Variants in RADIL observed in about 807,000 individuals in gnomAD.
RADIL encodes the protein Rap associating with DIL domain, also known as ras-associating and dilute domain-containing protein.
In RADIL, 99 loss-of-function variants were observed where a neutral mutation model predicts 97.6. The observed-to-expected ratio is 1.01, with a 90% confidence interval of 0.86 to 1.20. RADIL has a LOEUF of 1.20. Ranked by LOEUF, RADIL falls within the 50% of genes most tolerant of loss-of-function variation. The pLI, the probability that RADIL is intolerant of heterozygous loss-of-function variation, is 0.00. For synonymous variants in RADIL, 803 were observed against 691.8 expected, an observed-to-expected ratio of 1.16 and a Z score of -2.52; for missense variants, 1,765 against 1,498.9, an observed-to-expected ratio of 1.18 and a Z score of -2.93.
intron 2 of RADIL, among the ~76,000 whole-genome samples, chr7:4,869,221 C>G (rs1167916371): frequency 6.6e-6 from 1 of 152,194 alleles, no homozygotes; most frequent in Non-Finnish European, 1.5e-5. Context: ...CAGCCTTGAC[C>G]TTCTGGGCTC....
intron 9 of RADIL, among the ~76,000 whole-genome samples, chr7:4,807,273 C>T (rs1346237359): frequency 2.0e-5 from 3 of 152,028 alleles, no homozygotes; most frequent in East Asian, 1.9e-4. Flanking sequence ...CACAGAACGA[C>T]GTCCTCCAAC....
At chr7:4,829,266 G>A (rs1241442640) in intron 5 of RADIL, among the ~76,000 whole-genome samples, 8 of 152,208 alleles carry the variant, frequency 5.3e-5, no homozygotes, top group Non-Finnish European at 1.0e-4. Flanking sequence ...CAGGCTGGGA[G>A]GCAGAGCCTG....
chr7:4,810,657 G>C (rs541262356), intron 9 of RADIL, among the ~76,000 whole-genome samples: 2 of 152,250 alleles, frequency 1.3e-5, no homozygotes, highest in African/African-American at 4.8e-5. Flanking sequence ...ATCTCCGTCG[G>C]GGAAATTGCT....
At chr7:4,861,866 G>T in intron 2 of RADIL, 1 of 540,724 alleles carries the variant, frequency 1.8e-6, no homozygotes. Context: ...CTTCGCGGCC[G>T]CCGCCCGGGT....
At chr7:4,862,810 T>C (rs998119779) in intron 2 of RADIL, among the ~76,000 whole-genome samples, 3 of 151,788 alleles carry the variant, frequency 2.0e-5, no homozygotes, top group Non-Finnish European at 4.4e-5. Context: ...GGCAGGAGAA[T>C]TGCTTGAACC....
At position 4,836,361 on chromosome 7, in the gene RADIL, C is replaced by T. The variant is rs1456668561; in HGVS notation, c.780G>A (p.Gln260=). The T allele has an allele frequency of 4.0e-5, 63 of 1,571,520 alleles. No individual in the cohort carries two copies. The highest frequency in any genetic ancestry group is 5.1e-5 in the Non-Finnish European group (59 of 1,158,270). ...GGTGTCAGGAGGGGAGGCTCACGTG[C>T]TGCTGGCTGTAGCCCTGCAGAAGGA... The part of the protein sequence containing the change: ...HLLLLQGYSQ[Q]HDSLVYVLNR... Residue 260 remains glutamine, a synonymous_variant, in exon 3 of 15, where the codon CAG becomes CAA. Transcript: ENST00000399583.
rs533772725 is a variant in RADIL, at chr7:4,883,161, C to CCTGCGCCCCGCTCCCCCG, written c.-65+417_-65+434dup. Among the ~76,000 whole-genome samples, 3,414 of 151,578 alleles carry CCTGCGCCCCGCTCCCCCG rather than the reference C, an allele frequency of 0.023. 154 individuals are homozygous for CCTGCGCCCCGCTCCCCCG. Among genetic ancestry groups the CCTGCGCCCCGCTCCCCCG allele is most frequent in the African/African-American group, 0.078 (3,205 of 40,896 alleles). On this transcript the variant is annotated intron_variant, in intron 1 of 14. Coordinates refer to ENST00000399583, the MANE Select transcript of RADIL (RefSeq NM_018059.5). This position sits in a 1 kb window ranked among gnomAD's most constrained non-coding sequence, Gnocchi z 7.1. The stretch of plus-strand genomic sequence containing the variant: ...GCCCAGGTGGGAGAGCGCGCGGAAC[C>CCTGCGCCCCGCTCCCCCG]CTGCGCCCCGCTCCCCCGCTGCGCC...
chr7:4,855,527 A>C (rs185335321), intron 2 of RADIL, among the ~76,000 whole-genome samples: 1 of 151,188 alleles, frequency 6.6e-6, no homozygotes, highest in East Asian at 2.0e-4. Flanking sequence ...GGGCCAAAAC[A>C]ATTTGCACCA....
In RADIL at chr7:4,834,827, A is replaced by C; in HGVS notation, c.1196T>G (p.Leu399Arg). Residue 399 changes from leucine (L) to arginine (R), a missense_variant, in exon 4 of 15, where the codon CTG (leucine) becomes CGG (arginine). Leu to Arg is a moderately radical substitution (Grantham distance 102, BLOSUM62 -2). Coordinates refer to ENST00000399583, the MANE Select transcript of RADIL (RefSeq NM_018059.5). The surrounding 1 kb of genome is among the most constrained non-coding windows in gnomAD (Gnocchi z 6.0). Reference sequence around the variant, plus strand: ...CAGGAGCAGCTGCTGGCGCCGGGGCAGGGCGGCCTGAGTAGGGGAGGCGGC... The same window carrying C: ...CAGGAGCAGCTGCTGGCGCCGGGGCCGGGCGGCCTGAGTAGGGGAGGCGGC... ...RGAASPTQAA[L>R]PRRQQLLLEF... 7.6e-7 allele frequency: 1 copy of C among 1,316,082 alleles called. No individual in the cohort carries two copies. The highest frequency in any genetic ancestry group is 9.7e-7 in the Non-Finnish European group (1 of 1,029,840). 81.5% of individuals were successfully genotyped at this position (1,316,082 alleles called of 1,614,324 possible).
chr7:4,804,506 GC>G (rs1402758629), intron 10 of RADIL, among the ~76,000 whole-genome samples: 1 of 152,254 alleles, frequency 6.6e-6, no homozygotes, highest in Non-Finnish European at 1.5e-5. Context: ...TGCACCCCTG[GC>G]CGGGGGTGGC....
rs368133577 is a variant in RADIL at position 4,816,415 on chromosome 7, C to T, written c.1779G>A (p.Thr593=). 16 of 1,609,056 alleles carry T rather than the reference C, an allele frequency of 9.9e-6. No individual in the cohort carries two copies. The highest frequency in any genetic ancestry group is 3.3e-5 in the South Asian group (3 of 90,334). Residue 593 remains threonine, a synonymous_variant, in exon 8 of 15, where the codon ACG becomes ACA. Coordinates refer to ENST00000399583, the MANE Select transcript of RADIL (RefSeq NM_018059.5). The stretch of plus-strand genomic sequence containing the variant: ...CCGAGGACCAGCTCTCACGGCGCTC[C>T]GTCTGGAATGGCGGGCACTCCAGGA... The part of the protein sequence containing the change: ...PALLECPPFQ[T]ERRESWSSAP...
Position 4,800,279 on chromosome 7 carries a change from A to C in RADIL, c.2874T>G (p.Pro958=). The C allele has an allele frequency of 6.6e-7, 1 of 1,519,554 alleles. No individual in the cohort carries two copies. The allele number at this position is 1,519,554 out of a possible 1,614,324, so 94.1% of individuals were successfully genotyped here. A position where few individuals can be genotyped will look rare whatever the true frequency, so the allele number is the denominator to read the frequency against. Residue 958 remains proline (P), a synonymous_variant, in exon 13 of 15, where the codon CCT becomes CCG. Coordinates refer to ENST00000399583, the MANE Select transcript of RADIL (RefSeq NM_018059.5). Reference sequence around the variant, plus strand: ...TGGAGCTGCGGCTGGACGGGGCTGGAGGGGACTCCTCCGCAAGGGCTGCAG... The same window carrying C: ...TGGAGCTGCGGCTGGACGGGGCTGGCGGGGACTCCTCCGCAAGGGCTGCAG... The part of the protein sequence containing the change: ...GDSAALAEES[P]PAPSSRSSST...
intron 9 of RADIL, among the ~76,000 whole-genome samples, chr7:4,807,256 G>A (rs1022559747): frequency 2.0e-5 from 3 of 151,988 alleles, no homozygotes; most frequent in Admixed American, 1.3e-4. Flanking sequence ...TGCAGGAGGG[G>A]TGAGGGCACA....
intron 9 of RADIL, among the ~76,000 whole-genome samples, chr7:4,812,446 C>G (rs1386488744): frequency 4.6e-5 from 7 of 151,684 alleles, no homozygotes; most frequent in African/African-American, 1.7e-4. Context: ...ATTTTTGAGA[C>G]AGTCTTGCTC....
Position 4,821,863 on chromosome 7 carries a change from G to GA in RADIL, c.1615+530dup, listed in dbSNP as rs1431541791. 6.6e-6 allele frequency among the ~76,000 whole-genome samples: 1 copy of GA among 152,050 alleles called. No individual in the cohort carries two copies. The highest frequency in any genetic ancestry group is 2.4e-5 in the African/African-American group (1 of 41,398). Reference sequence around the variant, plus strand: ...AGAGCGAGACTCCGTCTCAAAAAAAGAAAAAGAAATCCCGAAATGTGTATT... The same window carrying GA: ...AGAGCGAGACTCCGTCTCAAAAAAAGAAAAAAGAAATCCCGAAATGTGTATT... On this transcript the variant is annotated intron_variant, in intron 6 of 14. Coordinates refer to ENST00000399583, the MANE Select transcript of RADIL (RefSeq NM_018059.5). The surrounding 1 kb of genome is among the most constrained non-coding windows in gnomAD (Gnocchi z 5.2).
chr7:4,842,833 T>C lies in RADIL; in HGVS notation c.536-6228A>G, dbSNP rs1252053209. 1.3e-5 allele frequency among the ~76,000 whole-genome samples: 2 copies of C among 151,954 alleles called. No individual in the cohort carries two copies. The highest frequency in any genetic ancestry group is 2.9e-5 in the Non-Finnish European group (2 of 67,984). On this transcript the variant is annotated intron_variant, in intron 2 of 14. Transcript: ENST00000399583. The surrounding 1 kb of genome is among the most constrained non-coding windows in gnomAD (Gnocchi z 4.5). ...TTCCTGGGCTGGGGAACTTTACCAC[T>C]ACTGGGGAACCGGAGACCATTGTAC...
chr7:4,841,231 G>A (rs187325708), intron 2 of RADIL, among the ~76,000 whole-genome samples: 66 of 152,006 alleles, frequency 4.3e-4, no homozygotes, highest in Admixed American at 2.1e-3. Context: ...CAACGCCCTC[G>A]TCTTCTTCAA....
chr7:4,817,266 G>A lies in RADIL; in HGVS notation c.1701C>T (p.Phe567=), dbSNP rs1782701579. The A allele has an allele frequency of 6.2e-7, 1 of 1,612,608 alleles. No homozygotes were observed. Residue 567 remains phenylalanine (F), a synonymous_variant, in exon 7 of 15, where the codon TTC becomes TTT. Coordinates refer to ENST00000399583, the MANE Select transcript of RADIL (RefSeq NM_018059.5). The surrounding 1 kb of genome is among the most constrained non-coding windows in gnomAD (Gnocchi z 8.3). ...TGGAGACATAGTAGACGCACTGCTG[G>A]AAGGCGTACAGCACCACCTCCTCCA... ...AVLEEVVLYA[F]QQCVYYVSKS... is the part of the protein sequence containing the mutation.
rs1782867287 is a variant in RADIL, at chr7:4,822,683, A to C, written c.1455-129T>G. On this transcript the variant is annotated intron_variant, in intron 5 of 14. Coordinates refer to ENST00000399583, the MANE Select transcript of RADIL (RefSeq NM_018059.5). This position sits in a 1 kb window ranked among gnomAD's most constrained non-coding sequence, Gnocchi z 5.3. Reference sequence around the variant, plus strand: ...CAACAACTGCAACCATCAACCTGACACTGCTGGGCGGGGACGTTTAACAAT... The same window carrying C: ...CAACAACTGCAACCATCAACCTGACCCTGCTGGGCGGGGACGTTTAACAAT... 1 of 1,090,640 alleles carries C rather than the reference A, an allele frequency of 9.2e-7. No homozygotes were observed. Among genetic ancestry groups the C allele is most frequent in the Non-Finnish European group, 1.3e-6 (1 of 771,774 alleles). 67.6% of individuals were successfully genotyped at this position (1,090,640 alleles called of 1,614,324 possible).
Sources: gnomAD v4.1 joint callset for allele counts (sites outside exome capture counted in the v4.1 genomes callset) on GRCh38, gnomAD v4.1.1 for gene constraint, Gnocchi (gnomAD v3.1) non-coding constraint, MANE v1.5 for transcripts, NCBI Gene and HGNC (gene_info 2026-07-23, HGNC 2026-07-21) for gene names.